The following EML6 variants were observed in gnomAD, a reference collection of about 807,000 sequenced individuals.
EML6 encodes the protein EMAP like 6.
In EML6, 154 loss-of-function variants were observed where a neutral mutation model predicts 240.1. The ratio of observed to expected loss-of-function variants is 0.64; its 90% CI spans 0.56 to 0.73. The LOEUF (loss-of-function observed/expected upper bound fraction) is 0.73. Among genes scored for constraint, EML6 ranks in the 30% least tolerant of loss-of-function variants. EML6 has a pLI of 0.00. For missense variants in EML6, 2,964 were observed against 2,474.6 expected (o/e 1.20, Z -4.20); for synonymous variants, 1,148 against 899.0 (o/e 1.28, Z -4.95).
chr2:54,784,658 C>T (rs1668999100), intron 2 of EML6, among the ~76,000 whole-genome samples: 1 of 152,136 alleles, frequency 6.6e-6, no homozygotes, highest in Non-Finnish European at 1.5e-5. Context: ...TCCATTAACA[C>T]ATATTTTCTA....
At chr2:54,909,288 G>A (rs902591977) in intron 24 of EML6, among the ~76,000 whole-genome samples, 1 of 152,152 alleles carries the variant, frequency 6.6e-6, no homozygotes, top group Non-Finnish European at 1.5e-5. Context: ...AAAAGTATTG[G>A]TTACTCATTT....
At chr2:54,922,530 C>G (rs1027839866) in intron 26 of EML6, among the ~76,000 whole-genome samples, 3 of 152,078 alleles carry the variant, frequency 2.0e-5, no homozygotes, top group Non-Finnish European at 4.4e-5. Context: ...TTCAGTAATC[C>G]CACTTCTGGG....
intron 2 of EML6, among the ~76,000 whole-genome samples, chr2:54,786,263 C>A (rs184606972): frequency 1.6e-3 from 247 of 152,242 alleles, no homozygotes; most frequent in Non-Finnish European, 2.8e-3. Context: ...TTCCCTAGGT[C>A]TCTAGTCCCA....
chr2:54,953,312 C>T (rs559505335), intron 31 of EML6, among the ~76,000 whole-genome samples: 1 of 152,138 alleles, frequency 6.6e-6, no homozygotes, highest in African/African-American at 2.4e-5. Flanking sequence ...TTACGGAAAC[C>T]CCAGGTAAGG....
intron 5 of EML6, among the ~76,000 whole-genome samples, chr2:54,822,201 C>A (rs146720337): frequency 6.6e-6 from 1 of 152,176 alleles, no homozygotes; most frequent in African/African-American, 2.4e-5. Flanking sequence ...AAAATAACAG[C>A]ATTTTAAATC....
chr2:54,941,140 A>C (rs1290741980), intron 28 of EML6, among the ~76,000 whole-genome samples: 2 of 152,198 alleles, frequency 1.3e-5, no homozygotes, highest in African/African-American at 4.8e-5. Flanking sequence ...TTTTTAATTG[A>C]CATGCAATAA....
intron 22 of EML6, among the ~76,000 whole-genome samples, chr2:54,902,541 G>A (rs1335227764): frequency 6.6e-6 from 1 of 151,934 alleles, no homozygotes; most frequent in Non-Finnish European, 1.5e-5. Flanking sequence ...TGGAATTACA[G>A]GCATGTGCCA....
chr2:54,904,176 C>A (rs892480107), intron 24 of EML6, among the ~76,000 whole-genome samples: 3 of 152,094 alleles, frequency 2.0e-5, no homozygotes, highest in African/African-American at 7.2e-5. Flanking sequence ...ATAAATAATA[C>A]AAGAGCACAA....
chr2:54,883,584 C>T (rs545926887), intron 17 of EML6, among the ~76,000 whole-genome samples: 14 of 152,276 alleles, frequency 9.2e-5, no homozygotes, highest in Admixed American at 8.5e-4. Flanking sequence ...GTTTATATGG[C>T]CCTATGCGGT....
At chr2:54,776,261 T>A (rs1346503026) in intron 2 of EML6, among the ~76,000 whole-genome samples, 1 of 152,148 alleles carries the variant, frequency 6.6e-6, no homozygotes, top group Non-Finnish European at 1.5e-5. Flanking sequence ...AAACAGAGAC[T>A]AAGAACCCAT....
chr2:54,891,213 AAAAC>A (rs1219043471), intron 18 of EML6, 59 bp downstream of exon 18: 8 of 846,338 alleles, frequency 9.5e-6, no homozygotes, highest in Non-Finnish European at 1.1e-5. Context: ...GCTGGAAAGA[AAAAC>A]AAAACAAACT....
chr2:54,777,174 T>C (rs1668641288), intron 2 of EML6, among the ~76,000 whole-genome samples: 1 of 152,186 alleles, frequency 6.6e-6, no homozygotes, highest in Non-Finnish European at 1.5e-5. Flanking sequence ...GGAAGTCTGC[T>C]AGCCCTGAAA....
At chr2:54,744,996 A>G (rs1683851630) in intron 2 of EML6, among the ~76,000 whole-genome samples, 1 of 151,092 alleles carries the variant, frequency 6.6e-6, no homozygotes, top group Non-Finnish European at 1.5e-5. Context: ...TGAGGGAGTG[A>G]GGGAAAGAAG....
At chr2:54,854,536 T>G (rs1052550809) in intron 11 of EML6, among the ~76,000 whole-genome samples, 2 of 152,226 alleles carry the variant, frequency 1.3e-5, no homozygotes, top group Non-Finnish European at 2.9e-5. Context: ...CTGAGACTCC[T>G]CAACTGTGCC....
chr2:54,741,451 C>G (rs1234407927), intron 2 of EML6, among the ~76,000 whole-genome samples: 1 of 152,106 alleles, frequency 6.6e-6, no homozygotes. Flanking sequence ...AATAAGTACA[C>G]ACGCACACAC....
At chr2:54,807,137 A>G (rs918135526) in intron 2 of EML6, among the ~76,000 whole-genome samples, 4 of 152,004 alleles carry the variant, frequency 2.6e-5, no homozygotes, top group East Asian at 3.8e-4. Flanking sequence ...CTAAACTCCT[A>G]TATCTGTGGT....
intron 2 of EML6, among the ~76,000 whole-genome samples, chr2:54,805,147 T>C (rs919277982): frequency 1.3e-5 from 2 of 152,212 alleles, no homozygotes; most frequent in African/African-American, 4.8e-5. Flanking sequence ...ATGTCACTAG[T>C]TCCATTTCTG....
intron 9 of EML6, among the ~76,000 whole-genome samples, chr2:54,849,095 A>G (rs1020774284): frequency 2.0e-5 from 3 of 152,242 alleles, no homozygotes; most frequent in Non-Finnish European, 4.4e-5. Context: ...GAAAAATAAT[A>G]TATAGTTAAA....
Position 54,967,175 on chromosome 2 carries a change from C to T in EML6, c.5597+72C>T, listed in dbSNP as rs138172546. The T allele has an allele frequency of 6.1e-3, 6,171 of 1,013,676 alleles. 40 individuals are homozygous for T. The highest frequency in any genetic ancestry group is 6.4e-3 in the Non-Finnish European group (4,277 of 664,518). 62.8% of individuals were successfully genotyped at this position (1,013,676 alleles called of 1,614,324 possible). A position where few individuals can be genotyped will look rare whatever the true frequency, so the allele number is the denominator to read the frequency against. On this transcript the variant is annotated intron_variant, in intron 39 of 41. Transcript: ENST00000356458. Reference sequence around the variant, plus strand: ...CTCTTGTCTCACTCAGGCTCAGCCTCCAAGTCTGTGCAGGATCTGAAGAAG... The same window carrying T: ...CTCTTGTCTCACTCAGGCTCAGCCTTCAAGTCTGTGCAGGATCTGAAGAAG...
Sources: gnomAD v4.1 joint callset for allele counts (sites outside exome capture counted in the v4.1 genomes callset) on GRCh38, gnomAD v4.1.1 for gene constraint, MANE v1.5 for transcripts, NCBI Gene and HGNC (gene_info 2026-07-23, HGNC 2026-07-21) for gene names.